The following ENO4 variants were observed in gnomAD, a reference collection of about 807,000 sequenced individuals.
ENO4 encodes the protein enolase 4.
A neutral mutation model predicts 63.2 loss-of-function variants in ENO4; 53 were observed. The ratio of observed to expected loss-of-function variants is 0.84; its 90% confidence interval spans 0.67 to 1.05. The LOEUF (loss-of-function observed/expected upper bound fraction) is 1.05. Among genes scored for constraint, ENO4 ranks in the 50% least tolerant of loss-of-function variants. The pLI is 0.00. For missense variants in ENO4, 719 were observed against 772.0 expected, an observed-to-expected ratio of 0.93 and a Z score of 0.81; for synonymous variants, 266 against 283.8, an observed-to-expected ratio of 0.94 and a Z score of 0.63.
chr10:116,874,286 C>G (rs1344430433), intron 10 of ENO4, 85 bp downstream of exon 10: 4 of 1,042,388 alleles, frequency 3.8e-6, no homozygotes, highest in Non-Finnish European at 5.2e-6. Context: ...TTATAACTCA[C>G]CTTTTATATT....
At chr10:116,893,576 G>GTGCACACACACACACACACACACA (rs1554905666) in intron 10 of ENO4, among the ~76,000 whole-genome samples, 11 of 123,524 alleles carry the variant, frequency 8.9e-5, no homozygotes, top group Non-Finnish European at 1.5e-4. Context: ...GCACTCATGT[G>GTGCACACACACACACACACACACA]CACACACACA....
intron 10 of ENO4, chr10:116,901,126 A>G: frequency 1.0e-6 from 1 of 985,402 alleles, no homozygotes. Flanking sequence ...CATCCTGGCA[A>G]GAGAACTAAA....
In ENO4 at chr10:116,874,296, T is replaced by C; in HGVS notation, c.1341+95T>C. 6 of 1,014,956 alleles carry C rather than the reference T, an allele frequency of 5.9e-6. 1 individual carries two copies. The South Asian group carries it at 1.8e-4, about 31-fold the overall frequency. 62.9% of individuals were successfully genotyped at this position (1,014,956 alleles called of 1,614,324 possible). ...ATATTTTATAACTCACCTTTTATAT[T>C]TATAACAAAACAGAGAATAAAATCT... is the stretch of plus-strand genomic sequence containing the variant. On this transcript the variant is annotated intron_variant, in intron 10 of 13. Coordinates refer to ENST00000341276, the MANE Select transcript of ENO4 (RefSeq NM_001242699.2).
intron 10 of ENO4, 80 bp from the exon 11 acceptor site, chr10:116,875,985 G>C (rs1052070820): frequency 9.4e-7 from 1 of 1,063,496 alleles, no homozygotes; most frequent in African/African-American, 1.7e-5. Flanking sequence ...GTGTGAGCTT[G>C]AGTATGTGCT....
At chr10:116,871,001 GA>G (rs1452058640) in intron 8 of ENO4, 123 bp from the exon 9 acceptor site, 10 of 786,942 alleles carry the variant, frequency 1.3e-5, no homozygotes, top group Non-Finnish European at 1.8e-5. Context: ...TCCTAAGTAG[GA>G]TTGAGAATCA....
At chr10:116,879,608 G>A (rs529319312) in intron 12 of ENO4, among the ~76,000 whole-genome samples, 5 of 152,302 alleles carry the variant, frequency 3.3e-5, no homozygotes, top group African/African-American at 9.6e-5. Flanking sequence ...CTCCTAAAAT[G>A]AAGAAAGGCC....
chr10:116,877,203 G>A (rs1002434698), intron 11 of ENO4, among the ~76,000 whole-genome samples: 5 of 152,020 alleles, frequency 3.3e-5, no homozygotes, highest in South Asian at 2.1e-4. Flanking sequence ...TCACATTACC[G>A]CAGTATTGTA....
At chr10:116,894,385 T>C (rs1332047372) in intron 10 of ENO4, among the ~76,000 whole-genome samples, 1 of 152,232 alleles carries the variant, frequency 6.6e-6, no homozygotes, top group Non-Finnish European at 1.5e-5. Context: ...GCATGTAACC[T>C]CTTTTGACTC....
chr10:116,867,421 C>CAAAAAAA (rs35426438), intron 7 of ENO4, among the ~76,000 whole-genome samples: 2 of 137,756 alleles, frequency 1.5e-5, no homozygotes, highest in Non-Finnish European at 3.1e-5. Flanking sequence ...AAATATTTAC[C>CAAAAAAA]AAAAAAAAAA....
chr10:116,900,625 T>C (rs145125763), intron 10 of ENO4: 181 of 1,524,504 alleles, frequency 1.2e-4, no homozygotes, highest in African/African-American at 1.1e-3. Context: ...CAAATTGCTT[T>C]TGTGTCTGGA....
intron 3 of ENO4, 136 bp downstream of exon 3, chr10:116,856,818 T>C: frequency 1.4e-6 from 1 of 701,286 alleles, no homozygotes; most frequent in Non-Finnish European, 2.2e-6. Flanking sequence ...TGAAACCCAG[T>C]CTCTACTCAA....
chr10:116,893,654 A>G (rs148693062), intron 10 of ENO4, among the ~76,000 whole-genome samples: 1 of 148,858 alleles, frequency 6.7e-6, no homozygotes, highest in Non-Finnish European at 1.5e-5. Context: ...GGGAGTATCT[A>G]TCAGGAACAA....
At chr10:116,900,671 A>C (rs1487354015) in intron 10 of ENO4, 4 of 1,478,420 alleles carry the variant, frequency 2.7e-6, no homozygotes, top group African/African-American at 2.8e-5. Flanking sequence ...TTGATGTCAA[A>C]TTAGGTGTTA....
At chr10:116,849,910 T>A in intron 1 of ENO4, 179 bp downstream of exon 1, 1 of 762,204 alleles carries the variant, frequency 1.3e-6, no homozygotes, top group Non-Finnish European at 2.3e-6. Context: ...CACCCAGGGG[T>A]GAAGGGATCT....
chr10:116,868,168 A>G (rs1301557254), intron 7 of ENO4, among the ~76,000 whole-genome samples: 1 of 152,222 alleles, frequency 6.6e-6, no homozygotes, highest in East Asian at 1.9e-4. Context: ...ATCAAAGTCA[A>G]AACCACCCTG....
At chr10:116,888,264 T>C (rs1471308798) in intron 10 of ENO4, among the ~76,000 whole-genome samples, 2 of 152,182 alleles carry the variant, frequency 1.3e-5, no homozygotes, top group Admixed American at 1.3e-4. Context: ...CCGCTATGCT[T>C]TGGGAATCAG....
chr10:116,903,277 A>T (rs754332315), intron 10 of ENO4, among the ~76,000 whole-genome samples: 47 of 152,260 alleles, frequency 3.1e-4, no homozygotes, highest in Non-Finnish European at 4.7e-4. Context: ...TCATGCCTGT[A>T]ATCCCAGCAC....
intron 10 of ENO4, among the ~76,000 whole-genome samples, chr10:116,889,698 T>G (rs1483520244): frequency 6.6e-6 from 1 of 152,170 alleles, no homozygotes; most frequent in African/African-American, 2.4e-5. Flanking sequence ...CAGCATGCTG[T>G]TTCTCAAAGG....
intron 1 of ENO4, among the ~76,000 whole-genome samples, chr10:116,853,188 G>A (rs1046316621): frequency 4.0e-5 from 6 of 151,190 alleles, no homozygotes; most frequent in South Asian, 2.1e-4. Flanking sequence ...CCAGCTACTC[G>A]TGAGGCTGAG....
Sources: allele counts gnomAD v4.1 joint callset (sites outside exome capture counted in the v4.1 genomes callset), GRCh38; gene constraint gnomAD v4.1.1; transcripts MANE v1.5; gene names NCBI Gene and HGNC (gene_info 2026-07-23, HGNC 2026-07-21).